The following SEC31A variants were observed in gnomAD, a reference collection of about 807,000 sequenced individuals.
SEC31A encodes the protein protein transport protein Sec31A.
A neutral mutation model predicts 151.0 loss-of-function variants in SEC31A; 70 were observed. The observed-to-expected ratio is 0.46, with a 90% CI of 0.38 to 0.57. The LOEUF (loss-of-function observed/expected upper bound fraction) is 0.57. SEC31A is among the 20% of genes least tolerant of loss of function. The pLI, the probability that SEC31A is intolerant of heterozygous loss-of-function variation, is 0.00. For synonymous variants in SEC31A, 475 were observed against 505.9 expected, an observed-to-expected ratio of 0.94 and a Z score of 0.82; for missense variants, 1,330 against 1,471.2, an observed-to-expected ratio of 0.90 and a Z score of 1.57.
intron 4 of SEC31A, among the ~76,000 whole-genome samples, chr4:82,877,180 G>A (rs1405888235): frequency 6.6e-6 from 1 of 152,138 alleles, no homozygotes; most frequent in African/African-American, 2.4e-5. Context: ...AGTGAGTCAT[G>A]AGCCACTGCA....
intron 22 of SEC31A, chr4:82,829,433 A>C (rs866405702): frequency 3.6e-4 from 59 of 165,104 alleles, no homozygotes; most frequent in African/African-American, 1.2e-3. Flanking sequence ...CAAAAAAAAA[A>C]CACACCAGGC....
intron 4 of SEC31A, among the ~76,000 whole-genome samples, chr4:82,878,462 C>G (rs1738508210): frequency 6.6e-6 from 1 of 152,112 alleles, no homozygotes; most frequent in African/African-American, 2.4e-5. Flanking sequence ...CCACTGCACT[C>G]CAGCCTGGTG....
At chr4:82,859,162 A>T (rs1299203390) in intron 14 of SEC31A, among the ~76,000 whole-genome samples, 1 of 152,196 alleles carries the variant, frequency 6.6e-6, no homozygotes, top group Non-Finnish European at 1.5e-5. Flanking sequence ...CCATAACATA[A>T]AAGTAATATA....
At chr4:82,899,148 A>G (rs572131975) in intron 3 of SEC31A, among the ~76,000 whole-genome samples, 1 of 152,358 alleles carries the variant, frequency 6.6e-6, no homozygotes, top group African/African-American at 2.4e-5. Flanking sequence ...CATGAAGTGT[A>G]CAGAGCAGGC....
At chr4:82,828,579 AG>A (rs1288128196) in intron 23 of SEC31A, among the ~76,000 whole-genome samples, 3 of 147,066 alleles carry the variant, frequency 2.0e-5, no homozygotes, top group African/African-American at 5.0e-5. Context: ...CTCAGCCACA[AG>A]GCTATTTCAT....
intron 6 of SEC31A, among the ~76,000 whole-genome samples, chr4:82,873,136 G>A (rs1208919878): frequency 6.6e-6 from 1 of 152,092 alleles, no homozygotes; most frequent in African/African-American, 2.4e-5. Flanking sequence ...CAAGGCGGGT[G>A]GATCATGAGG....
At chr4:82,858,312 G>A (rs1380671342) in intron 14 of SEC31A, among the ~76,000 whole-genome samples, 9 of 151,776 alleles carry the variant, frequency 5.9e-5, no homozygotes, top group Non-Finnish European at 1.2e-4. Context: ...TTGGGAGGCC[G>A]AGGCGGGCAG....
intron 10 of SEC31A, among the ~76,000 whole-genome samples, chr4:82,865,536 G>GTATATATATATA (rs55681370): frequency 3.6e-5 from 5 of 137,234 alleles, no homozygotes; most frequent in East Asian, 4.4e-4. Flanking sequence ...AAAAAATGTG[G>GTATATATATATA]TATATATATA....
intron 13 of SEC31A, 51 bp downstream of exon 13, chr4:82,862,483 T>C: frequency 7.0e-7 from 1 of 1,432,626 alleles, no homozygotes; most frequent in Non-Finnish European, 9.8e-7. Context: ...CCTTCTTCGT[T>C]ATGACCTAGC....
At chr4:82,861,581 A>T in intron 14 of SEC31A, 50 bp downstream of exon 14, 1 of 1,232,458 alleles carries the variant, frequency 8.1e-7, no homozygotes, top group Non-Finnish European at 1.2e-6. Context: ...AATGTGAGAT[A>T]CACAAATATC....
chr4:82,859,586 A>G (rs966520665), intron 14 of SEC31A, among the ~76,000 whole-genome samples: 11 of 152,206 alleles, frequency 7.2e-5, no homozygotes, highest in Non-Finnish European at 1.6e-4. Flanking sequence ...TGCAGAGTAC[A>G]GCACTGCACC....
chr4:82,861,858 C>T (rs1415926471), intron 13 of SEC31A, 150 bp from the exon 14 acceptor site: 4 of 427,884 alleles, frequency 9.3e-6, no homozygotes, highest in Admixed American at 3.8e-5. Context: ...TTGAGAAATA[C>T]CATTAGAGGA....
intron 3 of SEC31A, among the ~76,000 whole-genome samples, chr4:82,899,274 T>G (rs1720201341): frequency 6.6e-6 from 1 of 152,226 alleles, no homozygotes; most frequent in African/African-American, 2.4e-5. Flanking sequence ...TAATATTGAT[T>G]GTGACTGTTC....
intron 3 of SEC31A, among the ~76,000 whole-genome samples, chr4:82,879,281 T>G (rs1045141981): frequency 3.3e-5 from 5 of 151,838 alleles, no homozygotes; most frequent in African/African-American, 1.2e-4. Flanking sequence ...TCTGGTTCAT[T>G]GTAAAATAGA....
chr4:82,829,013 G>T lies in SEC31A; in HGVS notation c.3014C>A (p.Pro1005His). 8.7e-6 allele frequency: 14 copies of T among 1,613,424 alleles called. No individual in the cohort carries two copies. Among genetic ancestry groups the T allele is most frequent in the Non-Finnish European group, 1.2e-5 (14 of 1,179,500 alleles). ...WNDPPALNRVPKKKKMPENFM... is the reference protein window; with the variant it reads ...WNDPPALNRVHKKKKMPENFM... ...TTTTTCTAGTACCTTCTTCTTTTTG[G>T]GTACTCTGTTCAAAGCTGGAGGGTC... The change falls in exon 23 of 27, where the codon CCC becomes CAC. Residue 1005 changes from proline to histidine, a missense_variant. By Grantham distance (77) the Pro-to-His change is moderately conservative. Coordinates refer to ENST00000395310, the MANE Select transcript of SEC31A (RefSeq NM_001077207.4).
At chr4:82,853,804 T>A (rs984342772) in intron 17 of SEC31A, 89 bp from the exon 18 acceptor site, 15 of 1,028,788 alleles carry the variant, frequency 1.5e-5, no homozygotes, top group Admixed American at 2.9e-5. Context: ...TTCAGAGGCA[T>A]GGATTAAGCT....
At chr4:82,890,809 C>T in intron 1 of SEC31A, 11 of 1,303,746 alleles carry the variant, frequency 8.4e-6, no homozygotes, top group Non-Finnish European at 8.8e-6. Context: ...ACCAGCCCGG[C>T]TACTACTCCC....
At chr4:82,882,928 G>A (rs574727044) in intron 1 of SEC31A, among the ~76,000 whole-genome samples, 1 of 152,266 alleles carries the variant, frequency 6.6e-6, no homozygotes, top group Admixed American at 6.5e-5. Flanking sequence ...GACCAGCCTC[G>A]CCAACATGGC....
chr4:82,835,050 T>C (rs900868474), intron 22 of SEC31A, among the ~76,000 whole-genome samples: 1 of 152,176 alleles, frequency 6.6e-6, no homozygotes, highest in African/African-American at 2.4e-5. Context: ...TTTCATCATG[T>C]TGGCCAGGCT....
Sources: gnomAD v4.1 joint callset for allele counts (sites outside exome capture counted in the v4.1 genomes callset) on GRCh38, gnomAD v4.1.1 for gene constraint, MANE v1.5 for transcripts, NCBI Gene and HGNC (gene_info 2026-07-23, HGNC 2026-07-21) for gene names.